KAZN: variants seen among roughly 807,000 people sequenced by gnomAD.
The protein encoded by KAZN is kazrin, periplakin interacting protein.
A neutral mutation model predicts 87.4 loss-of-function variants in KAZN; 40 were observed. That is an observed-to-expected ratio of 0.46 (90% CI 0.36 to 0.60). The LOEUF (loss-of-function observed/expected upper bound fraction) is 0.60, where lower values mean the gene tolerates loss of function less well. Ranked by LOEUF, KAZN falls within the 20% of genes least tolerant of loss-of-function variation. The pLI is 0.00. For synonymous variants in KAZN, 466 were observed against 458.3 expected (o/e 1.02, Z -0.22); for missense variants, 898 against 1,073.9 (o/e 0.84, Z 2.29).
chr1:15,101,435 C>A, intron 10 of KAZN, 108 bp from the exon 11 acceptor site: 1 of 733,626 alleles, frequency 1.4e-6, no homozygotes. Flanking sequence ...GGTCCTCCCC[C>A]AACCCCATTG....
chr1:13,923,126 C>G (rs1557722623), intron 1 of KAZN, among the ~76,000 whole-genome samples: 1 of 152,178 alleles, frequency 6.6e-6, no homozygotes, highest in East Asian at 1.9e-4. Context: ...CTTTCCAGAA[C>G]TTAACTACCA....
intron 1 of KAZN, among the ~76,000 whole-genome samples, chr1:13,934,802 G>A (rs1640658436): frequency 6.6e-6 from 1 of 152,112 alleles, no homozygotes; most frequent in South Asian, 2.1e-4. Flanking sequence ...TTACTTGCCC[G>A]GCTCCTCTGA....
chr1:15,075,786 C>T (rs1213195713), intron 8 of KAZN, among the ~76,000 whole-genome samples: 2 of 152,164 alleles, frequency 1.3e-5, no homozygotes, highest in Non-Finnish European at 2.9e-5. Context: ...AAATGCCGGT[C>T]CCAGGGTGTT....
intron 1 of KAZN, among the ~76,000 whole-genome samples, chr1:14,954,019 G>A (rs896189693): frequency 6.6e-6 from 1 of 152,192 alleles, no homozygotes; most frequent in African/African-American, 2.4e-5. Flanking sequence ...GCAAGGGTCT[G>A]CCCCAGCTCC....
chr1:14,233,704 A>C (rs1648089547), intron 2 of KAZN, among the ~76,000 whole-genome samples: 1 of 152,360 alleles, frequency 6.6e-6, no homozygotes, highest in Admixed American at 6.5e-5. Flanking sequence ...TGCAATGTAC[A>C]TACTTTTTAA....
At chr1:15,083,476 C>T (rs147961812) in intron 8 of KAZN, among the ~76,000 whole-genome samples, 48 of 152,274 alleles carry the variant, frequency 3.2e-4, no homozygotes, top group Non-Finnish European at 5.3e-4. Flanking sequence ...CACCTGTCCC[C>T]GGTAGCTTAG....
chr1:14,777,246 T>G (rs1645207278), intron 1 of KAZN, among the ~76,000 whole-genome samples: 1 of 152,080 alleles, frequency 6.6e-6, no homozygotes, highest in Non-Finnish European at 1.5e-5. Context: ...TCTGCCTGCC[T>G]CAGCCTCCCA....
intron 1 of KAZN, among the ~76,000 whole-genome samples, chr1:14,161,027 C>T (rs920165505): frequency 3.9e-5 from 6 of 152,162 alleles, no homozygotes; most frequent in South Asian, 2.1e-4. Flanking sequence ...TGGGTGGAAC[C>T]GTCTCTCTTT....
intron 2 of KAZN, among the ~76,000 whole-genome samples, chr1:14,532,696 A>C (rs1202340846): frequency 3.6e-4 from 48 of 132,772 alleles, no homozygotes; most frequent in African/African-American, 1.4e-3. Context: ...TTCAATTCCT[A>C]CCTATGAGTG....
At chr1:14,115,449 T>C (rs1372891662) in intron 1 of KAZN, among the ~76,000 whole-genome samples, 2 of 152,192 alleles carry the variant, frequency 1.3e-5, no homozygotes, top group Admixed American at 1.3e-4. Context: ...TTATGAGATC[T>C]AATGGTTCCA....
At chr1:14,419,880 G>C (rs989155472) in intron 2 of KAZN, among the ~76,000 whole-genome samples, 2 of 152,278 alleles carry the variant, frequency 1.3e-5, no homozygotes, top group East Asian at 1.9e-4. Context: ...CGCACAGACA[G>C]TGAGACCCCA....
intron 1 of KAZN, among the ~76,000 whole-genome samples, chr1:14,037,739 A>C (rs976143181): frequency 1.3e-5 from 2 of 152,218 alleles, no homozygotes; most frequent in Non-Finnish European, 2.9e-5. Context: ...AATGGGGTTC[A>C]ATTAAGCCTC....
At chr1:14,831,881 C>T (rs1289538135) in intron 1 of KAZN, among the ~76,000 whole-genome samples, 3 of 152,040 alleles carry the variant, frequency 2.0e-5, no homozygotes, top group African/African-American at 4.8e-5. Context: ...AGAAACCCAA[C>T]TCAAATGAGC....
At chr1:14,287,527 T>C (rs1335539641) in intron 2 of KAZN, among the ~76,000 whole-genome samples, 1 of 152,204 alleles carries the variant, frequency 6.6e-6, no homozygotes, top group Non-Finnish European at 1.5e-5. Context: ...TGCACATTGA[T>C]TTTGTATCCT....
intron 1 of KAZN, among the ~76,000 whole-genome samples, chr1:14,828,766 C>A (rs530070382): frequency 1.1e-4 from 16 of 152,292 alleles, no homozygotes; most frequent in African/African-American, 3.8e-4. Context: ...AAAGCATCAT[C>A]AGGAACCCAG....
intron 2 of KAZN, among the ~76,000 whole-genome samples, chr1:15,014,726 G>T (rs1669906394): frequency 6.6e-6 from 1 of 152,182 alleles, no homozygotes; most frequent in African/African-American, 2.4e-5. Context: ...TTAGCTGAAA[G>T]CTGCAGGCAA....
intron 2 of KAZN, among the ~76,000 whole-genome samples, chr1:14,467,729 A>C (rs1344356688): frequency 1.3e-5 from 2 of 149,592 alleles, no homozygotes; most frequent in Admixed American, 6.7e-5. Context: ...TGAATCCAGG[A>C]GTTCAAATGA....
At chr1:13,917,866 A>C (rs995985020) in intron 1 of KAZN, among the ~76,000 whole-genome samples, 11 of 152,028 alleles carry the variant, frequency 7.2e-5, no homozygotes, top group African/African-American at 2.4e-4. Context: ...CTATAAATGG[A>C]ACAGCAAAGC....
At chr1:14,717,048 G>T (rs967306456) in intron 1 of KAZN, among the ~76,000 whole-genome samples, 1 of 150,726 alleles carries the variant, frequency 6.6e-6, no homozygotes, top group Non-Finnish European at 1.5e-5. Flanking sequence ...CCCATGGAGG[G>T]AGAGGTAACA....
Sources: allele counts gnomAD v4.1 joint callset (sites outside exome capture counted in the v4.1 genomes callset), GRCh38; gene constraint gnomAD v4.1.1; transcripts MANE v1.5; gene names NCBI Gene and HGNC (gene_info 2026-07-23, HGNC 2026-07-21).